The following LRP2 variants were observed in gnomAD, a reference collection of about 807,000 sequenced individuals.
LRP2 encodes the protein LDL receptor related protein 2.
In LRP2, 172 loss-of-function variants were observed where a neutral mutation model predicts 531.0. The ratio of observed to expected loss-of-function variants is 0.32; its 90% CI spans 0.29 to 0.37. The LOEUF is 0.37. LRP2 is among the 10% of genes least tolerant of loss of function. The pLI, the probability that LRP2 is intolerant of heterozygous loss-of-function variation, is 1.00. For missense variants in LRP2, 5,167 were observed against 5,868.3 expected (o/e 0.88, Z 3.90); for synonymous variants, 1,992 against 2,027.6 (o/e 0.98, Z 0.47).
At chr2:169,293,893 C>T (rs1684067922) in intron 6 of LRP2, among the ~76,000 whole-genome samples, 1 of 151,608 alleles carries the variant, frequency 6.6e-6, no homozygotes, top group South Asian at 2.1e-4. Flanking sequence ...GGAAAGAAGG[C>T]AAACTGTCCA....
intron 22 of LRP2, 48 bp from the exon 23 acceptor site, chr2:169,243,570 A>T (rs374039041): frequency 1.2e-6 from 2 of 1,612,518 alleles, no homozygotes; most frequent in Middle Eastern, 1.6e-4. Flanking sequence ...CCTGTGCAAC[A>T]AGTACCAGAG....
At chr2:169,293,977 G>A (rs1215841749) in intron 6 of LRP2, among the ~76,000 whole-genome samples, 171 bp downstream of exon 6, 1 of 152,048 alleles carries the variant, frequency 6.6e-6, no homozygotes, top group East Asian at 1.9e-4. Flanking sequence ...ACAAAGGCTT[G>A]TGCCAAGACC....
chr2:169,193,768 G>A lies in LRP2; in HGVS notation c.8823C>T (p.His2941=), dbSNP rs771736879. Residue 2941 remains histidine, a synonymous_variant, in exon 47 of 79, where the codon CAC becomes CAT. Coordinates refer to ENST00000649046, the MANE Select transcript of LRP2 (RefSeq NM_004525.3). ...CGDMSDEDKR[H]QCQNQNCSDS... is the part of the protein sequence containing the mutation. ...TTAATTGGCTTCACTTACGACACTG[G>A]TGCCTTTTATCCTCGTCACTCATAT... 15 of 1,614,064 alleles carry A rather than the reference G, an allele frequency of 9.3e-6. No homozygotes were observed. In the East Asian group the frequency reaches 3.3e-4, roughly 36 times the overall value.
Position 169,152,821 on chromosome 2 carries a change from T to C in LRP2, c.12439A>G (p.Ile4147Val). 6.2e-7 allele frequency: 1 copy of C among 1,614,102 alleles called. No individual in the cohort carries two copies. The highest frequency in any genetic ancestry group is 8.5e-7 in the Non-Finnish European group (1 of 1,179,932). Residue 4147 changes from isoleucine to valine, a missense_variant, in exon 67 of 79, where the codon ATA becomes GTA. Transcript: ENST00000649046. ...KLKYVMQPDG[I>V]AVDWVGRHIY... Reference sequence around the variant, plus strand: ...TACCTTCCAACCCAGTCCACTGCTATTCCATCTGGCTGCATTACGTATTTC... The same window carrying C: ...TACCTTCCAACCCAGTCCACTGCTACTCCATCTGGCTGCATTACGTATTTC...
rs34104660 is a variant in LRP2 at position 169,307,306 on chromosome 2, G to T, written c.402C>A (p.Pro134=). The change falls in exon 4 of 79, where the codon CCC becomes CCA. Residue 134 remains proline, a synonymous_variant. Coordinates refer to ENST00000649046, the MANE Select transcript of LRP2 (RefSeq NM_004525.3). ...EYRCDHVRDC[P]DGADENDCQY... ...GGCAGTCATTCTCATCAGCTCCATC[G>T]GGGCAGTCTCTGACGTGGTCGCACC... 0.072 allele frequency: 115,724 copies of T among 1,612,032 alleles called. 4,620 individuals are homozygous for T. The highest frequency in any genetic ancestry group is 0.08 in the Non-Finnish European group (94,160 of 1,178,104).
Position 169,181,464 on chromosome 2 carries a change from G to A in LRP2, c.10153C>T (p.His3385Tyr), listed in dbSNP as rs1379215552. ...TNDLLYWADA[H>Y]LGYIEYSDLE... ...TGTACGTACTCTATGTAACCCAGGT[G>A]GGCATCTGCCCAGTAGAGTAGATCA... The change falls in exon 52 of 79, where the codon CAC becomes TAC. Residue 3385 changes from histidine to tyrosine, a missense_variant. By Grantham distance (83) the His-to-Tyr change is moderately conservative. This residue lies in a region of LRP2 where 1,129 missense variants were observed against 1,362.7 expected (regional missense o/e 0.83). Coordinates refer to ENST00000649046, the MANE Select transcript of LRP2 (RefSeq NM_004525.3). 1.9e-6 allele frequency: 3 copies of A among 1,613,882 alleles called. No homozygotes were observed. The highest frequency in any genetic ancestry group is 1.1e-5 in the South Asian group (1 of 91,088).
In LRP2 at chr2:169,294,222, C is replaced by G; in HGVS notation, c.578G>C (p.Gly193Ala). 1 of 1,613,794 alleles carries G rather than the reference C, an allele frequency of 6.2e-7. No homozygotes were observed. The highest frequency in any genetic ancestry group is 8.5e-7 in the Non-Finnish European group (1 of 1,179,760). Residue 193 changes from glycine to alanine, a missense_variant, in exon 6 of 79, where the codon GGA becomes GCA. Gly to Ala is a moderately conservative substitution (Grantham distance 60). Transcript: ENST00000649046. ...CLHNEFSCGN[G>A]ECIPRAYVCD... The stretch of plus-strand genomic sequence containing the variant: ...GACATAAGCACGAGGGATACACTCT[C>G]CATTGCCACATGAAAACTCATTGTG...
At position 169,206,762 on chromosome 2, in the gene LRP2, T is replaced by C. The variant is rs146429327; in HGVS notation, c.6958A>G (p.Ile2320Val). Residue 2320 changes from isoleucine to valine, a missense_variant, in exon 39 of 79, where the codon ATC (isoleucine) becomes GTC (valine). Transcript: ENST00000649046. ...TEPPTVIRDN[I>V]NWLRDVTIFD... ...ATGGTCACATCTCTTAGCCAGTTGA[T>C]ATTGTCTCTTATCACTGTGGGTGGC... 1.2e-6 allele frequency: 2 copies of C among 1,614,172 alleles called. No individual in the cohort carries two copies. The highest frequency in any genetic ancestry group is 8.5e-7 in the Non-Finnish European group (1 of 1,180,022).
rs373136877 is a variant in LRP2 at position 169,187,959 on chromosome 2, G to T, written c.9328+11C>A. The T allele has an allele frequency of 2.4e-5, 38 of 1,613,802 alleles. No individual in the cohort carries two copies. The Admixed American group carries it at 3.3e-4, about 14-fold the overall frequency. On this transcript the variant is annotated intron_variant, in intron 49 of 78. Coordinates refer to ENST00000649046, the MANE Select transcript of LRP2 (RefSeq NM_004525.3). The stretch of plus-strand genomic sequence containing the variant: ...CCTGTTTCCTTTTCCCAAATCCTCT[G>T]TTGTACTCACCACAGCCTTTCTCAT...
In LRP2 at chr2:169,226,456, T is replaced by C. The variant is rs111233002; in HGVS notation, c.5360A>G (p.Asp1787Gly). 1.9e-6 allele frequency: 3 copies of C among 1,613,520 alleles called. No individual in the cohort carries two copies. The highest frequency in any genetic ancestry group is 2.5e-6 in the Non-Finnish European group (3 of 1,179,662). ...IQNGLDVEFD[D>G]AEQYIYWVEN... ...AACCCAATAGATGTATTGCTCAGCATCATCAAATTCAACATCTAAACCATT... is the reference window on the plus strand; with the variant it reads ...AACCCAATAGATGTATTGCTCAGCACCATCAAATTCAACATCTAAACCATT... Residue 1787 changes from aspartate to glycine, a missense_variant, in exon 32 of 79, where the codon GAT becomes GGT. Physicochemically the swap from Asp to Gly is moderately conservative, Grantham distance 94. Around this residue, in one of 6 missense-constraint regions of LRP2, gnomAD observed 2,811 missense variants for 3,058.0 expected, o/e 0.92. Coordinates refer to ENST00000649046, the MANE Select transcript of LRP2 (RefSeq NM_004525.3).
chr2:169,162,765 C>G (rs1042712298), intron 62 of LRP2, among the ~76,000 whole-genome samples, 165 bp from the exon 63 acceptor site: 5 of 152,270 alleles, frequency 3.3e-5, no homozygotes, highest in African/African-American at 9.6e-5. Context: ...TTCTAGCCAA[C>G]GTACTGTCAG....
intron 77 of LRP2, among the ~76,000 whole-genome samples, chr2:169,131,630 G>A (rs185309406): frequency 2.0e-5 from 3 of 152,216 alleles, no homozygotes; most frequent in Admixed American, 2.0e-4. Context: ...TGTTGGGGAG[G>A]GGAGGTGATT....
intron 66 of LRP2, among the ~76,000 whole-genome samples, chr2:169,154,211 A>G (rs1686249064): frequency 6.6e-6 from 1 of 152,132 alleles, no homozygotes; most frequent in South Asian, 2.1e-4. Flanking sequence ...TTCAAAATAC[A>G]AGAAGATGTG....
intron 65 of LRP2, 78 bp from the exon 66 acceptor site, chr2:169,154,681 T>C: frequency 7.9e-7 from 1 of 1,266,970 alleles, no homozygotes; most frequent in East Asian, 2.3e-5. Flanking sequence ...ATGCACAGTA[T>C]GTACCTGTCC....
chr2:169,203,899 C>T, intron 42 of LRP2, 83 bp downstream of exon 42: 1 of 1,462,914 alleles, frequency 6.8e-7, no homozygotes, highest in Non-Finnish European at 9.5e-7. Flanking sequence ...AATTTTTTCT[C>T]CTGTGAGAAC....
At chr2:169,220,004 G>T (rs1373016057) in intron 34 of LRP2, among the ~76,000 whole-genome samples, 1 of 151,978 alleles carries the variant, frequency 6.6e-6, no homozygotes, top group Non-Finnish European at 1.5e-5. Context: ...GCTAAGTGCC[G>T]CCATACTTCT....
chr2:169,192,120 A>T (rs1401134564), intron 47 of LRP2, 87 bp from the exon 48 acceptor site: 15 of 975,992 alleles, frequency 1.5e-5, no homozygotes, highest in Middle Eastern at 2.9e-4. Context: ...TTACCATTCT[A>T]AGTATGAAAG....
chr2:169,213,174 A>G (rs1189894920), intron 36 of LRP2, among the ~76,000 whole-genome samples: 1 of 152,218 alleles, frequency 6.6e-6, no homozygotes, highest in African/African-American at 2.4e-5. Context: ...AATAGGCAAC[A>G]TCCAAAAGCA....
intron 22 of LRP2, 63 bp from the exon 23 acceptor site, chr2:169,243,585 A>G: frequency 6.2e-7 from 1 of 1,603,640 alleles, no homozygotes; most frequent in Non-Finnish European, 8.5e-7. Flanking sequence ...CCAGAGCCAA[A>G]CTAAAAATGG....
Sources: allele counts gnomAD v4.1 joint callset (sites outside exome capture counted in the v4.1 genomes callset), GRCh38; gene constraint gnomAD v4.1.1; regional missense constraint gnomAD v4.1.1; transcripts MANE v1.5; gene names NCBI Gene and HGNC (gene_info 2026-07-23, HGNC 2026-07-21).